Variants in SOS2 observed in about 807,000 individuals in gnomAD.
The protein encoded by SOS2 is son of sevenless homolog 2.
A neutral mutation model predicts 148.2 loss-of-function variants in SOS2; 65 were observed. The observed-to-expected ratio is 0.44, with a 90% confidence interval of 0.36 to 0.54. The LOEUF is 0.54. SOS2 is among the 20% of genes least tolerant of loss of function. The pLI is 0.00. For missense variants in SOS2, 1,341 were observed against 1,590.2 expected (o/e 0.84, Z 2.67); for synonymous variants, 539 against 537.1 (o/e 1.00, Z -0.05).
At chr14:50,212,822 GTGA>G (rs1296441352) in intron 1 of SOS2, among the ~76,000 whole-genome samples, 6 of 152,154 alleles carry the variant, frequency 3.9e-5, no homozygotes, top group African/African-American at 1.4e-4. Context: ...GGACAGGGAA[GTGA>G]GGAGGAGCAG....
At chr14:50,205,648 T>C (rs957296733) in intron 1 of SOS2, among the ~76,000 whole-genome samples, 2 of 152,216 alleles carry the variant, frequency 1.3e-5, no homozygotes, top group African/African-American at 4.8e-5. Context: ...TTTAAAAAAT[T>C]AGCATAGGCA....
chr14:50,182,379 A>G, intron 6 of SOS2, 84 bp downstream of exon 6: 1 of 1,221,284 alleles, frequency 8.2e-7, no homozygotes, highest in Non-Finnish European at 1.2e-6. Context: ...ACGGGGTCTC[A>G]CTATGTTGCC....
chr14:50,147,109 A>C (rs183651993), intron 14 of SOS2, among the ~76,000 whole-genome samples: 2 of 151,756 alleles, frequency 1.3e-5, no homozygotes, highest in East Asian at 3.9e-4. Flanking sequence ...AGGTGGGAAG[A>C]CTGCTTGAGC....
chr14:50,168,345 ACAAGTAGCTGTGACTACTGG>A, intron 8 of SOS2, among the ~76,000 whole-genome samples: 1 of 152,182 alleles, frequency 6.6e-6, no homozygotes, highest in Admixed American at 6.5e-5. Flanking sequence ...TCTCAGTCTC[ACAAGTAGCTGTGACTACTGG>A]CATGCATTAC....
At chr14:50,193,652 T>C (rs1886224009) in intron 4 of SOS2, among the ~76,000 whole-genome samples, 1 of 152,198 alleles carries the variant, frequency 6.6e-6, no homozygotes, top group South Asian at 2.1e-4. Flanking sequence ...CTTGAACTAG[T>C]GATCTCTAGA....
chr14:50,149,367 G>A (rs1884590762), intron 14 of SOS2, among the ~76,000 whole-genome samples: 1 of 152,064 alleles, frequency 6.6e-6, no homozygotes, highest in Non-Finnish European at 1.5e-5. Flanking sequence ...TGAGCCCGGA[G>A]GACCTTATGT....
At position 50,204,334 on chromosome 14, in the gene SOS2, G is replaced by C. The variant is rs1886595109; in HGVS notation, c.163C>G (p.Leu55Val). The part of the protein sequence containing the change: ...LYYIEELIFQ[L>V]LNKLCMAQPR... Reference sequence around the variant, plus strand: ...TGGGCCATGCATAATTTATTAAGCAGCTGAAAAATCAGCTCTTCAATATAA... The same window carrying C: ...TGGGCCATGCATAATTTATTAAGCACCTGAAAAATCAGCTCTTCAATATAA... Residue 55 changes from leucine (L) to valine (V), a missense_variant, in exon 2 of 23, where the codon CTG (leucine) becomes GTG (valine). This residue lies in a region of SOS2 where 574 missense variants were observed against 711.1 expected (regional missense o/e 0.81). Transcript: ENST00000216373. The C allele has an allele frequency of 1.3e-6, 2 of 1,599,002 alleles. No individual in the cohort carries two copies. Among genetic ancestry groups the C allele is most frequent in the Non-Finnish European group, 8.6e-7 (1 of 1,168,400 alleles).
chr14:50,149,375 T>C (rs950775654), intron 14 of SOS2, among the ~76,000 whole-genome samples: 2 of 152,106 alleles, frequency 1.3e-5, no homozygotes, highest in African/African-American at 4.8e-5. Flanking sequence ...GAGGACCTTA[T>C]GTTAAGCAAA....
chr14:50,205,120 T>C (rs375247589), intron 1 of SOS2, among the ~76,000 whole-genome samples: 1 of 152,156 alleles, frequency 6.6e-6, no homozygotes, highest in East Asian at 1.9e-4. Context: ...TCTCACTCTG[T>C]CACCCAGGCT....
intron 8 of SOS2, among the ~76,000 whole-genome samples, 189 bp from the exon 9 acceptor site, chr14:50,161,798 T>TTC (rs1555370286): frequency 6.7e-6 from 1 of 149,366 alleles, no homozygotes; most frequent in Non-Finnish European, 1.5e-5. Flanking sequence ...TCTTTTTTTT[T>TTC]TTTTTTTTTG....
chr14:50,196,006 G>A (rs905852995), intron 4 of SOS2, among the ~76,000 whole-genome samples: 1 of 152,080 alleles, frequency 6.6e-6, no homozygotes, highest in East Asian at 1.9e-4. Context: ...CAACCTGGGC[G>A]ACAGAGTGAG....
At chr14:50,123,058 T>C (rs895240918) in intron 21 of SOS2, among the ~76,000 whole-genome samples, 2 of 152,122 alleles carry the variant, frequency 1.3e-5, no homozygotes, top group Non-Finnish European at 2.9e-5. Flanking sequence ...AAGAAATATT[T>C]GGTTGGAAAG....
At chr14:50,189,208 A>G (rs960473243) in intron 4 of SOS2, among the ~76,000 whole-genome samples, 8 of 151,522 alleles carry the variant, frequency 5.3e-5, no homozygotes, top group Non-Finnish European at 1.0e-4. Context: ...AAATATTCAA[A>G]TAAAATCGAG....
intron 1 of SOS2, among the ~76,000 whole-genome samples, chr14:50,209,474 CA>C (rs1399641748): frequency 6.6e-6 from 1 of 152,014 alleles, no homozygotes; most frequent in African/African-American, 2.4e-5. Flanking sequence ...AGCTAGCAAA[CA>C]AAATTTTTAG....
At position 50,134,124 on chromosome 14, in the gene SOS2, A is replaced by T; in HGVS notation, c.3074T>A (p.Phe1025Tyr). 4.2e-6 allele frequency: 6 copies of T among 1,421,546 alleles called. No individual in the cohort carries two copies. Among genetic ancestry groups the T allele is most frequent in the Non-Finnish European group, 5.9e-6 (6 of 1,008,742 alleles). 88.1% of individuals were successfully genotyped at this position (1,421,546 alleles called of 1,614,324 possible). The stretch of plus-strand genomic sequence containing the variant: ...TTCCCGAAATTATAAAAGACTTACA[A>T]ATCGAGGTGGCTGTTTGCAGTTTCG... ...EPRNCKQPPR[F>Y]PRKSTFSLKS... The change falls in exon 19 of 23, where the codon TTT becomes TAT. Residue 1025 changes from phenylalanine (F) to tyrosine (Y), a missense_variant and splice_region_variant. This residue lies in a region of SOS2 where 408 missense variants were observed against 506.6 expected (regional missense o/e 0.81). Transcript: ENST00000216373.
chr14:50,118,505 T>A lies in SOS2; in HGVS notation c.3838A>T (p.Ser1280Cys). ...VPRRCYVLSS[S>C]QNNLAHPPAP... ...GGAGGATGAGCAAGATTATTCTGACTAGAACTGAGCACATAGCATCGACGC... is the reference window on the plus strand; with the variant it reads ...GGAGGATGAGCAAGATTATTCTGACAAGAACTGAGCACATAGCATCGACGC... Residue 1280 changes from serine to cysteine, a missense_variant, in exon 23 of 23, where the codon AGT (serine) becomes TGT (cysteine). This residue lies in a region of SOS2 where 354 missense variants were observed against 347.7 expected (regional missense o/e 1.02). Coordinates refer to ENST00000216373, the MANE Select transcript of SOS2 (RefSeq NM_006939.4). The A allele has an allele frequency of 6.2e-7, 1 of 1,614,142 alleles. No individual in the cohort carries two copies. Among genetic ancestry groups the A allele is most frequent in the Non-Finnish European group, 8.5e-7 (1 of 1,180,020 alleles).
intron 1 of SOS2, among the ~76,000 whole-genome samples, chr14:50,219,448 G>C (rs1887137474): frequency 6.6e-6 from 1 of 152,116 alleles, no homozygotes. Context: ...GATTCTATCA[G>C]TATTAATATA....
At chr14:50,177,004 C>T (rs11621349) in intron 7 of SOS2, among the ~76,000 whole-genome samples, 45,180 of 151,554 alleles carry the variant, frequency 0.3, 7,779 homozygotes, top group Middle Eastern at 0.4. Context: ...AGCGAGATTC[C>T]GCCGCAAACA....
chr14:50,176,767 T>C (rs1885535764), intron 7 of SOS2, among the ~76,000 whole-genome samples: 1 of 152,224 alleles, frequency 6.6e-6, no homozygotes, highest in Non-Finnish European at 1.5e-5. Context: ...CCCAGCACTT[T>C]GGGAGGCTGA....
Sources: gnomAD v4.1 joint callset for allele counts (sites outside exome capture counted in the v4.1 genomes callset) on GRCh38, gnomAD v4.1.1 for gene constraint, gnomAD v4.1.1 regional missense constraint, MANE v1.5 for transcripts, NCBI Gene and HGNC (gene_info 2026-07-23, HGNC 2026-07-21) for gene names.